Variants in SKP2 observed in about 807,000 individuals in gnomAD.
SKP2 encodes S-phase kinase-associated protein 2.
SKP2 carries 16 observed loss-of-function variants against 51.8 expected under a neutral mutation model. The ratio of observed to expected loss-of-function variants is 0.31; its 90% CI spans 0.21 to 0.47. SKP2 has a LOEUF of 0.47. Among genes scored for constraint, SKP2 ranks in the 20% least tolerant of loss-of-function variants. The pLI, the probability that SKP2 is intolerant of heterozygous loss-of-function variation, is 1.00. For synonymous variants in SKP2, 176 were observed against 198.6 expected (o/e 0.89, Z 0.96); for missense variants, 377 against 505.3 (o/e 0.75, Z 2.43).
At chr5:36,186,051 G>A (rs1442479950), downstream of SKP2, among the ~76,000 whole-genome samples, 1 of 152,144 alleles carries the variant, frequency 6.6e-6, no homozygotes, top group African/African-American at 2.4e-5. Flanking sequence ...TTGGCTCTCT[G>A]TTTATCTGTT....
intron 9 of SKP2, 93 bp from the exon 10 acceptor site, chr5:36,181,725 G>A (rs1745817153): frequency 2.3e-6 from 3 of 1,315,180 alleles, no homozygotes; most frequent in Non-Finnish European, 3.2e-6. Flanking sequence ...GCATTTTGTA[G>A]ATGACACAAA....
chr5:36,163,809 GTTAT>G lies in SKP2; in HGVS notation c.392+59_392+62del. On this transcript the variant is annotated intron_variant, in intron 3 of 9. Coordinates refer to ENST00000274255, the MANE Select transcript of SKP2 (RefSeq NM_005983.4). ...CGTAGGGGAGGAAGAGGAGAGGAAGGTTATTTATTCGTTTTGGTCTGATGAAACT... is the reference window on the plus strand; with the variant it reads ...CGTAGGGGAGGAAGAGGAGAGGAAGGTTATTCGTTTTGGTCTGATGAAACT... 2.5e-6 allele frequency: 3 copies of G among 1,220,790 alleles called. No individual in the cohort carries two copies. In the Admixed American group the frequency reaches 5.2e-5, roughly 21 times the overall value. The allele number at this position is 1,220,790 out of a possible 1,614,324, so 75.6% of individuals were successfully genotyped here.
chr5:36,182,572 A>G lies in SKP2; in HGVS notation c.*541A>G. On this transcript the variant is annotated 3_prime_UTR_variant, in exon 10 of 10. Coordinates refer to ENST00000274255, the MANE Select transcript of SKP2 (RefSeq NM_005983.4). Reference sequence around the variant, plus strand: ...AAATGTATTTGAATTTTGCCTTTAGATTTGAAATTAGGTTAATAGAAATAA... The same window carrying G: ...AAATGTATTTGAATTTTGCCTTTAGGTTTGAAATTAGGTTAATAGAAATAA... 1.0e-6 allele frequency: 1 copy of G among 984,216 alleles called. No homozygotes were observed. The highest frequency in any genetic ancestry group is 5.2e-4 in the Middle Eastern group (1 of 1,914). 61.0% of individuals were successfully genotyped at this position (984,216 alleles called of 1,614,324 possible).
chr5:36,162,524 A>AT (rs1225989240), intron 2 of SKP2, among the ~76,000 whole-genome samples: 1 of 152,062 alleles, frequency 6.6e-6, no homozygotes, highest in Non-Finnish European at 1.5e-5. Context: ...TAATGTACTT[A>AT]TTTTTTGATG....
chr5:36,185,034 T>C (rs1579582307), downstream of SKP2, among the ~76,000 whole-genome samples: 2 of 152,272 alleles, frequency 1.3e-5, no homozygotes, highest in African/African-American at 2.4e-5. Flanking sequence ...CATTTTTTCA[T>C]GTGTCTCTTG....
chr5:36,168,495 G>C lies in SKP2; in HGVS notation c.671+48G>C, dbSNP rs199845559. On this transcript the variant is annotated intron_variant, in intron 5 of 9. Transcript: ENST00000274255. ...CAAAGGCAGTTGATTTTATGTGTAT[G>C]AATTTTTTTCCCTGTATATAACTGG... The C allele has an allele frequency of 8.1e-6, 13 of 1,595,294 alleles. No individual in the cohort carries two copies. In the East Asian group the frequency reaches 2.7e-4, roughly 33 times the overall value.
At chr5:36,187,064 G>C (rs1183428563), downstream of SKP2, among the ~76,000 whole-genome samples, 4 of 152,122 alleles carry the variant, frequency 2.6e-5, no homozygotes, top group African/African-American at 9.7e-5. Flanking sequence ...ATGGTAGTTT[G>C]TATTTCTGTG....
chr5:36,158,347 A>G (rs1013314325), intron 2 of SKP2, among the ~76,000 whole-genome samples: 1 of 152,230 alleles, frequency 6.6e-6, no homozygotes, highest in African/African-American at 2.4e-5. Flanking sequence ...TAGATTAAGC[A>G]TATCACAGCC....
intron 4 of SKP2, among the ~76,000 whole-genome samples, chr5:36,167,895 G>A (rs1745339687): frequency 6.6e-6 from 1 of 152,152 alleles, no homozygotes; most frequent in Non-Finnish European, 1.5e-5. Context: ...TGTGATTACA[G>A]GCGTGAGCCA....
intron 6 of SKP2, among the ~76,000 whole-genome samples, chr5:36,191,202 C>T (rs573579626): frequency 5.0e-4 from 76 of 152,172 alleles, no homozygotes; most frequent in Middle Eastern, 3.4e-3. Flanking sequence ...TGATTTTCCC[C>T]CACCCAGGAG....
rs1432497874 is a variant in SKP2 at position 36,182,846 on chromosome 5, T to G, written c.*815T>G. 1.0e-6 allele frequency: 1 copy of G among 984,794 alleles called. No individual in the cohort carries two copies. The highest frequency in any genetic ancestry group is 1.2e-6 in the Non-Finnish European group (1 of 829,424). 61.0% of individuals were successfully genotyped at this position (984,794 alleles called of 1,614,324 possible). A position where few individuals can be genotyped will look rare whatever the true frequency, so the allele number is the denominator to read the frequency against. ...TGGGTCCTTTAGCTTTTAAAATGACTTGCTTTGTTTTAGAAAGGTGGTATT... is the reference window on the plus strand; with the variant it reads ...TGGGTCCTTTAGCTTTTAAAATGACGTGCTTTGTTTTAGAAAGGTGGTATT... On this transcript the variant is annotated 3_prime_UTR_variant, in exon 10 of 10. Transcript: ENST00000274255.
At chr5:36,184,532 G>A (rs917784299), downstream of SKP2, among the ~76,000 whole-genome samples, 6 of 151,986 alleles carry the variant, frequency 3.9e-5, no homozygotes, top group Admixed American at 6.6e-5. Context: ...TTGTCCTTAC[G>A]GTAGTTTGCT....
chr5:36,183,832 GT>G lies in SKP2; in HGVS notation c.*1804del. 1.9e-6 allele frequency: 3 copies of G among 1,584,150 alleles called. No homozygotes were observed. The highest frequency in any genetic ancestry group is 2.3e-4 in the Middle Eastern group (1 of 4,320). On this transcript the variant is annotated 3_prime_UTR_variant, in exon 10 of 10. Transcript: ENST00000274255. ...GTGCTAAATACTACTTGAAATTATTGTTTACAGATTAGTGACAAGAGCTGGG... is the reference window on the plus strand; with the variant it reads ...GTGCTAAATACTACTTGAAATTATTGTTACAGATTAGTGACAAGAGCTGGG...
chr5:36,181,435 CCGCAGT>C (rs1745807569), intron 9 of SKP2, among the ~76,000 whole-genome samples: 1 of 152,128 alleles, frequency 6.6e-6, no homozygotes, highest in African/African-American at 2.4e-5. Flanking sequence ...CCAACTGGTG[CCGCAGT>C]AAAACATTTG....
intron 2 of SKP2, among the ~76,000 whole-genome samples, chr5:36,160,807 C>T (rs1043758085): frequency 7.9e-5 from 12 of 152,178 alleles, no homozygotes; most frequent in Non-Finnish European, 1.5e-4. Context: ...AACTTTGTGG[C>T]AGTGATGGAA....
chr5:36,152,629 G>T (rs1212160041), intron 1 of SKP2, 142 bp from the exon 2 acceptor site: 2 of 830,176 alleles, frequency 2.4e-6, no homozygotes, highest in Non-Finnish European at 3.8e-6. Flanking sequence ...TTGGTAACTC[G>T]CCGCAGGCAC....
downstream of SKP2, among the ~76,000 whole-genome samples, chr5:36,186,653 T>C (rs1255265382): frequency 4.0e-5 from 6 of 151,854 alleles, no homozygotes; most frequent in African/African-American, 7.3e-5. Context: ...TTTGCCAGTA[T>C]TTTATTGAGG....
intron 2 of SKP2, among the ~76,000 whole-genome samples, chr5:36,161,799 T>C (rs1745128581): frequency 6.6e-6 from 1 of 152,166 alleles, no homozygotes. Flanking sequence ...ACATGCTCAG[T>C]AAAGACTGGC....
intron 9 of SKP2, 48 bp from the exon 10 acceptor site, chr5:36,181,770 A>C: frequency 6.2e-7 from 1 of 1,600,872 alleles, no homozygotes; most frequent in East Asian, 2.2e-5. Context: ...CTAGTCAAAC[A>C]GTTTCCATAG....
Sources: gnomAD v4.1 joint callset for allele counts (sites outside exome capture counted in the v4.1 genomes callset) on GRCh38, gnomAD v4.1.1 for gene constraint, MANE v1.5 for transcripts, NCBI Gene and HGNC (gene_info 2026-07-23, HGNC 2026-07-21) for gene names.